The following CSMD1 variants were observed in gnomAD, a reference collection of about 807,000 sequenced individuals.
CSMD1 encodes CUB and Sushi multiple domains 1.
A neutral mutation model predicts 417.5 loss-of-function variants in CSMD1; 213 were observed. The ratio of observed to expected loss-of-function variants is 0.51; its 90% CI spans 0.46 to 0.57. The LOEUF (loss-of-function observed/expected upper bound fraction) is 0.57. Among genes scored for constraint, CSMD1 ranks in the 20% least tolerant of loss-of-function variants. The probability of loss-of-function intolerance (pLI) is 0.00; values close to 1 mark genes in which losing one functional copy is unlikely to be tolerated. For synonymous variants in CSMD1, 2,862 were observed against 1,736.8 expected (o/e 1.65, Z -16.11); for missense variants, 6,923 against 4,529.7 (o/e 1.53, Z -15.17).
At chr8:4,245,220 G>C (rs1012679151) in intron 3 of CSMD1, among the ~76,000 whole-genome samples, 2 of 152,150 alleles carry the variant, frequency 1.3e-5, no homozygotes, top group African/African-American at 2.4e-5. Flanking sequence ...CTGGTTTTCT[G>C]AACTCTAAAT....
intron 2 of CSMD1, among the ~76,000 whole-genome samples, chr8:4,439,059 G>A (rs1227638297): frequency 6.6e-6 from 1 of 152,084 alleles, no homozygotes; most frequent in Non-Finnish European, 1.5e-5. Flanking sequence ...GCTGATATAG[G>A]TCTTATTGGC....
At chr8:3,903,869 C>CAT (rs756432183) in intron 5 of CSMD1, among the ~76,000 whole-genome samples, 14 of 151,170 alleles carry the variant, frequency 9.3e-5, no homozygotes, top group Non-Finnish European at 1.3e-4. Context: ...GAGTCATTGC[C>CAT]ATATATATAT....
intron 3 of CSMD1, among the ~76,000 whole-genome samples, chr8:4,146,670 G>A (rs1027455817): frequency 8.0e-6 from 1 of 125,134 alleles, no homozygotes; most frequent in Admixed American, 1.0e-4. Context: ...GGAGCGCAGT[G>A]GTGTGATCTG....
chr8:3,265,855 G>A (rs1347722145), intron 26 of CSMD1, among the ~76,000 whole-genome samples: 1 of 152,018 alleles, frequency 6.6e-6, no homozygotes, highest in Non-Finnish European at 1.5e-5. Flanking sequence ...AGTAGCTCAG[G>A]TGGGGAAGAG....
intron 1 of CSMD1, among the ~76,000 whole-genome samples, chr8:4,983,836 C>T (rs923747134): frequency 2.8e-5 from 2 of 70,290 alleles, no homozygotes; most frequent in African/African-American, 2.7e-4. Context: ...GGGTGATCAA[C>T]ATATGATAGA....
intron 7 of CSMD1, among the ~76,000 whole-genome samples, chr8:3,649,023 G>C (rs1252128947): frequency 1.3e-5 from 2 of 152,094 alleles, no homozygotes; most frequent in Non-Finnish European, 2.9e-5. Flanking sequence ...TACTGTCCAA[G>C]GTCACAGAGT....
intron 2 of CSMD1, among the ~76,000 whole-genome samples, chr8:4,568,621 T>TA (rs964290641): frequency 1.3e-5 from 2 of 152,196 alleles, no homozygotes; most frequent in African/African-American, 4.8e-5. Context: ...TGTATAATCC[T>TA]ATGGGTATAT....
chr8:4,570,966 T>A (rs1798864808), intron 2 of CSMD1, among the ~76,000 whole-genome samples: 1 of 152,340 alleles, frequency 6.6e-6, no homozygotes, highest in Non-Finnish European at 1.5e-5. Flanking sequence ...GTACTTTGTA[T>A]TTCTGTGGGA....
At chr8:3,640,540 C>G (rs1178761033) in intron 7 of CSMD1, among the ~76,000 whole-genome samples, 2 of 152,130 alleles carry the variant, frequency 1.3e-5, no homozygotes, top group Admixed American at 6.5e-5. Context: ...GAAGCATAAA[C>G]TCATTTTTTT....
intron 7 of CSMD1, among the ~76,000 whole-genome samples, chr8:3,649,567 G>C (rs1797740125): frequency 6.6e-6 from 1 of 152,146 alleles, no homozygotes; most frequent in Non-Finnish European, 1.5e-5. Context: ...GAAGTGCTGT[G>C]CAAAGTGGGG....
At chr8:3,564,517 T>TTTTGTGTGTGTGTGTG (rs144757433) in intron 10 of CSMD1, among the ~76,000 whole-genome samples, 30 of 145,492 alleles carry the variant, frequency 2.1e-4, no homozygotes, top group Middle Eastern at 3.5e-3. Context: ...CACAGTATAT[T>TTTTGTGTGTGTGTGTG]TGTGTGTGTG....
At position 4,994,574 on chromosome 8, in the gene CSMD1, G is replaced by T. The variant is rs1286291104; in HGVS notation, c.-158C>A. The T allele has an allele frequency of 1.1e-5, 7 of 647,876 alleles. No individual in the cohort carries two copies. Among genetic ancestry groups the T allele is most frequent in the Non-Finnish European group, 1.9e-5 (7 of 366,808 alleles). 40.1% of individuals were successfully genotyped at this position (647,876 alleles called of 1,614,324 possible). ...TCCGACGCCTCCTGAAGGTCTGGGC[G>T]CCCGGCTCGCTTCCCTCTCATAGCA... On this transcript the variant is annotated 5_prime_UTR_variant, in exon 1 of 70. Transcript: ENST00000635120.
chr8:3,819,454 C>T (rs1196787865), intron 5 of CSMD1, among the ~76,000 whole-genome samples: 1 of 151,870 alleles, frequency 6.6e-6, no homozygotes. Context: ...GAAGTGCTTC[C>T]AACTTCACCT....
chr8:4,156,224 G>A (rs1796826660), intron 3 of CSMD1, among the ~76,000 whole-genome samples: 1 of 152,130 alleles, frequency 6.6e-6, no homozygotes, highest in Admixed American at 6.5e-5. Context: ...ATATCCTTGG[G>A]GTGGTAGCAA....
intron 4 of CSMD1, among the ~76,000 whole-genome samples, chr8:4,002,627 G>A (rs1321168638): frequency 1.3e-5 from 2 of 152,086 alleles, no homozygotes; most frequent in African/African-American, 4.8e-5. Flanking sequence ...ATATTAAATT[G>A]CTCCCACATA....
chr8:2,979,155 C>G (rs1233888481), intron 54 of CSMD1, among the ~76,000 whole-genome samples: 1 of 152,208 alleles, frequency 6.6e-6, no homozygotes, highest in African/African-American at 2.4e-5. Context: ...TATTTTTACT[C>G]AAGTGTGGTG....
chr8:4,427,441 G>C (rs1388688983), intron 2 of CSMD1, among the ~76,000 whole-genome samples: 2 of 151,748 alleles, frequency 1.3e-5, no homozygotes, highest in Admixed American at 6.6e-5. Flanking sequence ...ATACCATCCG[G>C]GGAAGATGCA....
rs190976301 is a variant in CSMD1, at chr8:4,815,210, T to C, written c.86-177652A>G. Among the ~76,000 whole-genome samples the C allele has an allele frequency of 4.2e-3, 634 of 152,244 alleles. 14 individuals are homozygous for C. The South Asian group carries it at 0.048, about 12-fold the overall frequency. ...ATTTGAACATGTTAGAACAAAGTTT[T>C]GTGGTTTCATCAAATGATTATTTGA... On this transcript the variant is annotated intron_variant, in intron 1 of 69. Transcript: ENST00000635120.
At chr8:3,297,839 G>A (rs891532757) in intron 25 of CSMD1, among the ~76,000 whole-genome samples, 8 of 151,136 alleles carry the variant, frequency 5.3e-5, no homozygotes, top group African/African-American at 1.5e-4. Flanking sequence ...TTTGCTAACC[G>A]TAAAGAAAAA....
Sources: allele counts gnomAD v4.1 joint callset (sites outside exome capture counted in the v4.1 genomes callset), GRCh38; gene constraint gnomAD v4.1.1; transcripts MANE v1.5; gene names NCBI Gene and HGNC (gene_info 2026-07-23, HGNC 2026-07-21).